The following PGBD1 variants were observed in gnomAD, a reference collection of about 807,000 sequenced individuals.
PGBD1 encodes the protein piggyBac transposable element-derived protein 1.
A neutral mutation model predicts 34.7 loss-of-function variants in PGBD1; 25 were observed. That is an observed-to-expected ratio of 0.72 (90% CI 0.52 to 1.00). PGBD1 has a LOEUF of 1.00. Among genes scored for constraint, PGBD1 ranks in the 50% least tolerant of loss-of-function variants. PGBD1 has a pLI of 0.00. For missense variants in PGBD1, 830 were observed against 959.4 expected (o/e 0.87, Z 1.78); for synonymous variants, 292 against 335.7 (o/e 0.87, Z 1.42).
rs747059585 is a variant in PGBD1, at chr6:28,301,781, G to T, written c.1927G>T (p.Gly643Trp). ...VKLLSALKKK[G>W]VRATGTIREN... ...ATTGTTGTCAGCCTTGAAAAAGAAG[G>T]GGGTGAGGGCAACAGGAACAATTCG... Residue 643 changes from glycine to tryptophan, a missense_variant, in exon 7 of 7, where the codon GGG (glycine) becomes TGG (tryptophan). Physicochemically the swap from Gly to Trp is radical, Grantham distance 184. Coordinates refer to ENST00000682144, the MANE Select transcript of PGBD1 (RefSeq NM_032507.4). 1 of 1,614,132 alleles carries T rather than the reference G, an allele frequency of 6.2e-7. No individual in the cohort carries two copies. Among genetic ancestry groups the T allele is most frequent in the South Asian group, 1.1e-5 (1 of 91,086 alleles).
chr6:28,298,133 C>T, intron 6 of PGBD1, 142 bp downstream of exon 6: 1 of 683,060 alleles, frequency 1.5e-6, no homozygotes, highest in Non-Finnish European at 2.6e-6. Context: ...CATAGGAGGT[C>T]CATGCCAAGA....
chr6:28,300,881 AG>A lies in PGBD1; in HGVS notation c.1028del (p.Arg343LysfsTer8), dbSNP rs1762811037. The A allele has an allele frequency of 6.2e-7, 1 of 1,614,006 alleles. No individual in the cohort carries two copies. The highest frequency in any genetic ancestry group is 1.1e-5 in the South Asian group (1 of 91,088). ...YAAGDITRKG[R>X]KKDKARVSEL... ...TGCAGGAGACATTACCCGAAAAGGG[AG>A]AAAAAAAGACAAAGCTCGAGTGAGT... On this transcript the variant is annotated frameshift_variant, in exon 7 of 7. Coordinates refer to ENST00000682144, the MANE Select transcript of PGBD1 (RefSeq NM_032507.4). LOFTEE classifies it low-confidence loss of function (END_TRUNC). This position sits in a 1 kb window ranked among gnomAD's most constrained non-coding sequence, Gnocchi z 4.0.
intron 5 of PGBD1, 93 bp downstream of exon 5, chr6:28,297,038 G>C (rs2113755106): frequency 1.4e-6 from 2 of 1,425,480 alleles, no homozygotes; most frequent in Non-Finnish European, 1.9e-6. Context: ...GTTTCCTACA[G>C]ACCCACACCC....
chr6:28,297,097 A>G, intron 5 of PGBD1, 152 bp downstream of exon 5: 4 of 794,264 alleles, frequency 5.0e-6, no homozygotes, highest in Non-Finnish European at 7.8e-6. Flanking sequence ...AGCCCTTATC[A>G]CTTTGCATCC....
intron 3 of PGBD1, among the ~76,000 whole-genome samples, chr6:28,286,345 T>C (rs896151193): frequency 1.3e-5 from 2 of 152,252 alleles, no homozygotes; most frequent in Non-Finnish European, 2.9e-5. Context: ...CTTTGTGACC[T>C]AGGCAAGTCA....
At chr6:28,287,833 C>CA (rs1762333260) in intron 4 of PGBD1, among the ~76,000 whole-genome samples, 2 of 152,168 alleles carry the variant, frequency 1.3e-5, no homozygotes, top group African/African-American at 4.8e-5. Context: ...CTGTTATTAA[C>CA]AAATACTTCC....
intron 4 of PGBD1, among the ~76,000 whole-genome samples, chr6:28,292,894 G>A (rs1391242420): frequency 6.6e-6 from 1 of 152,092 alleles, no homozygotes; most frequent in African/African-American, 2.4e-5. Flanking sequence ...CTAAAAACTT[G>A]GAGAGAGGCA....
At chr6:28,285,791 C>A in intron 3 of PGBD1, 84 bp downstream of exon 3, 1 of 1,386,130 alleles carries the variant, frequency 7.2e-7, no homozygotes, top group Non-Finnish European at 9.8e-7. Context: ...AGTTTGTATA[C>A]ATTGTGAAAT....
Position 28,287,170 on chromosome 6 carries a change from T to C in PGBD1, c.642+2T>C. 1 of 1,608,462 alleles carries C rather than the reference T, an allele frequency of 6.2e-7. No individual in the cohort carries two copies. On this transcript the variant is annotated splice_donor_variant, in intron 4 of 6. Coordinates refer to ENST00000682144, the MANE Select transcript of PGBD1 (RefSeq NM_032507.4). LOFTEE classifies it high-confidence loss of function. ...GTGTTTAACCCAGTCAGGTCCCAGG[T>C]AAGTAGGATGCCCAAGCTTGTAGGA...
chr6:28,283,322 T>G (rs1762182271), intron 1 of PGBD1, among the ~76,000 whole-genome samples: 1 of 152,182 alleles, frequency 6.6e-6, no homozygotes, highest in Non-Finnish European at 1.5e-5. Context: ...ATGACAACAG[T>G]GGCAAAATCT....
At chr6:28,282,865 G>A (rs1762171020) in intron 1 of PGBD1, among the ~76,000 whole-genome samples, 1 of 152,120 alleles carries the variant, frequency 6.6e-6, no homozygotes, top group Non-Finnish European at 1.5e-5. Flanking sequence ...GTGTGACTAA[G>A]GAGATCACAA....
intron 2 of PGBD1, 147 bp downstream of exon 2, chr6:28,284,356 G>A: frequency 1.0e-6 from 1 of 969,258 alleles, no homozygotes; most frequent in Admixed American, 3.4e-5. Context: ...ATCCAAATTT[G>A]CCAGTTGTTA....
intron 4 of PGBD1, among the ~76,000 whole-genome samples, chr6:28,291,630 C>G (rs1391341759): frequency 6.7e-6 from 1 of 150,122 alleles, no homozygotes; most frequent in Non-Finnish European, 1.5e-5. Flanking sequence ...GATACCAAAA[C>G]TAGACTAGGA....
chr6:28,302,421 TA>T lies in PGBD1; in HGVS notation c.*138del, dbSNP rs1403666903. 2.2e-6 allele frequency: 2 copies of T among 916,946 alleles called. No individual in the cohort carries two copies. The highest frequency in any genetic ancestry group is 3.2e-5 in the Admixed American group (1 of 31,602). 56.8% of individuals were successfully genotyped at this position (916,946 alleles called of 1,614,324 possible). On this transcript the variant is annotated 3_prime_UTR_variant, in exon 7 of 7. Transcript: ENST00000682144. ...ATAATACTTTTAAAAATCAGACATTTATATAGAGTTTCAAAGACTATTGTAA... is the reference window on the plus strand; with the variant it reads ...ATAATACTTTTAAAAATCAGACATTTTATAGAGTTTCAAAGACTATTGTAA...
In PGBD1 at chr6:28,301,608, C is replaced by G. The variant is rs1259962308; in HGVS notation, c.1754C>G (p.Pro585Arg). 4 of 1,613,906 alleles carry G rather than the reference C, an allele frequency of 2.5e-6. No individual in the cohort carries two copies. The highest frequency in any genetic ancestry group is 3.4e-6 in the Non-Finnish European group (4 of 1,180,000). Residue 585 changes from proline to arginine, a missense_variant, in exon 7 of 7, where the codon CCC becomes CGC. Physicochemically the swap from Pro to Arg is moderately radical, Grantham distance 103 (BLOSUM62 -2). Coordinates refer to ENST00000682144, the MANE Select transcript of PGBD1 (RefSeq NM_032507.4). ...TTQGYLVWFE[P>R]YQEESTMKVD... ...CAGGGTTATCTGGTTTGGTTTGAAC[C>G]CTATCAAGAAGAATCAACTATGAAG...
chr6:28,287,559 A>G (rs957474805), intron 4 of PGBD1, among the ~76,000 whole-genome samples: 10 of 152,170 alleles, frequency 6.6e-5, no homozygotes, highest in African/African-American at 2.2e-4. Flanking sequence ...TATATTCAGC[A>G]TGTATGCAAT....
intron 1 of PGBD1, among the ~76,000 whole-genome samples, chr6:28,282,721 TCA>T (rs1762166632): frequency 6.6e-6 from 1 of 152,120 alleles, no homozygotes; most frequent in Admixed American, 6.5e-5. Context: ...GACTCTGATT[TCA>T]GTTTGAGATC....
intron 4 of PGBD1, among the ~76,000 whole-genome samples, chr6:28,290,323 T>C (rs781706669): frequency 1.3e-4 from 20 of 152,202 alleles, no homozygotes; most frequent in Non-Finnish European, 2.4e-4. Context: ...CTTGAACTTC[T>C]GGCCTCAAGC....
chr6:28,302,235 G>T lies in PGBD1; in HGVS notation c.2381G>T (p.Arg794Ile). The change falls in exon 7 of 7, where the codon AGA becomes ATA. Residue 794 changes from arginine (R) to isoleucine (I), a missense_variant. This residue lies in a region of PGBD1 where 372 missense variants were observed against 427.9 expected (regional missense o/e 0.87). Coordinates refer to ENST00000682144, the MANE Select transcript of PGBD1 (RefSeq NM_032507.4). ...GASLDPLDFR[R>I]FVAHFYLEHN... is the part of the protein sequence containing the mutation. ...TCTCTAGACCCCTTGGATTTTCGGA[G>T]ATTTGTTGCACATTTCTACTTGGAA... 6.2e-7 allele frequency: 1 copy of T among 1,614,014 alleles called. No homozygotes were observed. Among genetic ancestry groups the T allele is most frequent in the Non-Finnish European group, 8.5e-7 (1 of 1,179,944 alleles).
Sources: gnomAD v4.1 joint callset for allele counts (sites outside exome capture counted in the v4.1 genomes callset) on GRCh38, gnomAD v4.1.1 for gene constraint, gnomAD v4.1.1 regional missense constraint, Gnocchi (gnomAD v3.1) non-coding constraint, MANE v1.5 for transcripts, NCBI Gene and HGNC (gene_info 2026-07-23, HGNC 2026-07-21) for gene names.